The following KIF13A variants were observed in gnomAD, a reference collection of about 807,000 sequenced individuals.
KIF13A encodes kinesin family member 13A, also known as kinesin-like protein KIF13A.
Under a neutral mutation model 212.2 loss-of-function variants are expected in KIF13A, and 79 were observed. The ratio of observed to expected loss-of-function variants is 0.37; its 90% CI spans 0.31 to 0.45. The LOEUF (loss-of-function observed/expected upper bound fraction) is 0.45, where lower values mean the gene tolerates loss of function less well. Ranked by LOEUF, KIF13A falls within the 20% of genes least tolerant of loss-of-function variation. The pLI, the probability that KIF13A is intolerant of heterozygous loss-of-function variation, is 1.00. For missense variants in KIF13A, 1,901 were observed against 2,209.0 expected, an observed-to-expected ratio of 0.86 and a Z score of 2.79; for synonymous variants, 789 against 808.6, an observed-to-expected ratio of 0.98 and a Z score of 0.41.
intron 2 of KIF13A, among the ~76,000 whole-genome samples, chr6:17,975,568 G>C (rs150099622): frequency 6.6e-6 from 1 of 152,182 alleles, no homozygotes; most frequent in Non-Finnish European, 1.5e-5. Flanking sequence ...TTCCAGTACA[G>C]AACAAAACGC....
chr6:17,987,209 C>T lies in KIF13A; in HGVS notation c.56-65G>A. The T allele has an allele frequency of 7.3e-7, 1 of 1,362,524 alleles. No individual in the cohort carries two copies. The highest frequency in any genetic ancestry group is 1.0e-6 in the Non-Finnish European group (1 of 988,204). The allele number at this position is 1,362,524 out of a possible 1,614,324, so 84.4% of individuals were successfully genotyped here. A position where few individuals can be genotyped will look rare whatever the true frequency, so the allele number is the denominator to read the frequency against. On this transcript the variant is annotated intron_variant, in intron 1 of 38. Coordinates refer to ENST00000259711, the MANE Select transcript of KIF13A (RefSeq NM_022113.6). The surrounding 1 kb of genome is among the most constrained non-coding windows in gnomAD (Gnocchi z 7.7). Reference sequence around the variant, plus strand: ...CCGCGCCTCCAGCCCGCCCGCCCGCCAGCCGCGCCGAGCGGGGCTCCGTCC... The same window carrying T: ...CCGCGCCTCCAGCCCGCCCGCCCGCTAGCCGCGCCGAGCGGGGCTCCGTCC...
At chr6:17,852,121 T>A in intron 6 of KIF13A, 79 bp from the exon 7 acceptor site, 2 of 624,032 alleles carry the variant, frequency 3.2e-6, no homozygotes, top group Non-Finnish European at 5.0e-6. Flanking sequence ...ACACAGTAAC[T>A]AAGATAACAA....
At chr6:17,761,731 T>C (rs996736227), downstream of KIF13A, among the ~76,000 whole-genome samples, 1 of 152,188 alleles carries the variant, frequency 6.6e-6, no homozygotes, top group African/African-American at 2.4e-5. Flanking sequence ...CATCTTGATA[T>C]AACATGTTTG....
intron 12 of KIF13A, among the ~76,000 whole-genome samples, chr6:17,833,497 CAAAAAA>C (rs59654452): frequency 1.6e-4 from 16 of 97,946 alleles, no homozygotes; most frequent in Non-Finnish European, 1.6e-4. Context: ...ACCTTGTCTT[CAAAAAA>C]AAAAAAAAAA....
chr6:17,979,261 C>T (rs1780849468), intron 2 of KIF13A, among the ~76,000 whole-genome samples: 1 of 152,136 alleles, frequency 6.6e-6, no homozygotes, highest in South Asian at 2.1e-4. Context: ...CCACTGCACT[C>T]CAGCCTAGGC....
chr6:17,824,714 T>C (rs56286624), intron 16 of KIF13A, among the ~76,000 whole-genome samples: 8,199 of 138,452 alleles, frequency 0.059, 308 homozygotes, highest in Middle Eastern at 0.089. Context: ...TGAACCGAGA[T>C]CGTGCCACTG....
intron 2 of KIF13A, among the ~76,000 whole-genome samples, chr6:17,977,196 G>A (rs1317485186): frequency 1.3e-5 from 2 of 151,294 alleles, no homozygotes; most frequent in African/African-American, 4.9e-5. Flanking sequence ...TCAGGGTGGG[G>A]CCCTCCAGGT....
chr6:17,964,787 TC>T (rs1257313038), intron 2 of KIF13A, among the ~76,000 whole-genome samples: 1 of 152,036 alleles, frequency 6.6e-6, no homozygotes, highest in Non-Finnish European at 1.5e-5. Flanking sequence ...ATAACCCAGG[TC>T]AATGTTTTTA....
chr6:17,956,488 T>C (rs1778364931), intron 2 of KIF13A, among the ~76,000 whole-genome samples: 1 of 152,210 alleles, frequency 6.6e-6, no homozygotes, highest in Non-Finnish European at 1.5e-5. Context: ...AAACCCAATA[T>C]GCAAGAGATT....
rs977282481 is a variant in KIF13A at position 17,967,852 on chromosome 6, T to C, written c.146+19202A>G. ...AGTAACTTGTTAATAAGGTGCTCAT[T>C]AAGTAAGTCTGTAAAAGCTTACTTA... On this transcript the variant is annotated intron_variant, in intron 2 of 38. Coordinates refer to ENST00000259711, the MANE Select transcript of KIF13A (RefSeq NM_022113.6). This position sits in a 1 kb window ranked among gnomAD's most constrained non-coding sequence, Gnocchi z 4.1. 3.3e-5 allele frequency among the ~76,000 whole-genome samples: 5 copies of C among 152,224 alleles called. No individual in the cohort carries two copies. Among genetic ancestry groups the C allele is most frequent in the Non-Finnish European group, 5.9e-5 (4 of 68,040 alleles).
rs1401561759 is a variant in KIF13A, at chr6:17,897,326, A to C, written c.159+842T>G. 6.6e-6 allele frequency among the ~76,000 whole-genome samples: 1 copy of C among 152,138 alleles called. No individual in the cohort carries two copies. Among genetic ancestry groups the C allele is most frequent in the African/African-American group, 2.4e-5 (1 of 41,416 alleles). ...ATTTGTGTAGGTAAAGCCTGTTCTAATCCTATCTCAAGAACCACAGCTATA... is the reference window on the plus strand; with the variant it reads ...ATTTGTGTAGGTAAAGCCTGTTCTACTCCTATCTCAAGAACCACAGCTATA... On this transcript the variant is annotated intron_variant, in intron 3 of 38. Coordinates refer to ENST00000259711, the MANE Select transcript of KIF13A (RefSeq NM_022113.6). This position sits in a 1 kb window ranked among gnomAD's most constrained non-coding sequence, Gnocchi z 4.8.
chr6:17,778,688 AGGG>A (rs956579485), intron 33 of KIF13A, among the ~76,000 whole-genome samples: 2 of 152,172 alleles, frequency 1.3e-5, no homozygotes, highest in Non-Finnish European at 2.9e-5. Context: ...TACTTACCTC[AGGG>A]GGTTATCTTG....
intron 3 of KIF13A, among the ~76,000 whole-genome samples, chr6:17,879,279 C>T (rs941191618): frequency 6.6e-6 from 1 of 152,110 alleles, no homozygotes; most frequent in Non-Finnish European, 1.5e-5. Flanking sequence ...AACTATGTTC[C>T]ATGCACCCCA....
At chr6:17,949,146 T>C (rs1291385879) in intron 2 of KIF13A, among the ~76,000 whole-genome samples, 1 of 152,184 alleles carries the variant, frequency 6.6e-6, no homozygotes, top group African/African-American at 2.4e-5. Context: ...CATAGCTCAT[T>C]ACAAATTTGC....
At chr6:17,863,372 C>CTTT (rs35627842) in intron 4 of KIF13A, among the ~76,000 whole-genome samples, 1 of 139,762 alleles carries the variant, frequency 7.2e-6, no homozygotes, top group African/African-American at 2.6e-5. Context: ...AAAATACTTT[C>CTTT]TTTTTTTTTT....
chr6:17,891,053 T>A (rs1372166157), intron 3 of KIF13A, among the ~76,000 whole-genome samples: 1 of 152,042 alleles, frequency 6.6e-6, no homozygotes, highest in African/African-American at 2.4e-5. Context: ...GACACTCCAA[T>A]CCTACAAATT....
intron 2 of KIF13A, among the ~76,000 whole-genome samples, chr6:17,949,795 T>C (rs1042921562): frequency 6.6e-6 from 1 of 152,062 alleles, no homozygotes; most frequent in African/African-American, 2.4e-5. Context: ...AAAAAACAAG[T>C]GCCAACTCGA....
chr6:17,983,934 C>T (rs1320429020), intron 2 of KIF13A, among the ~76,000 whole-genome samples: 2 of 152,192 alleles, frequency 1.3e-5, no homozygotes, highest in African/African-American at 4.8e-5. Context: ...ATGCTCTCAG[C>T]ATCCATAAGA....
chr6:17,881,414 T>C (rs2150451016), intron 3 of KIF13A: 3 of 421,700 alleles, frequency 7.1e-6, no homozygotes, highest in South Asian at 1.7e-5. Flanking sequence ...TCATCTCTGA[T>C]GGCATTTCAG....
Sources: gnomAD v4.1 joint callset for allele counts (sites outside exome capture counted in the v4.1 genomes callset) on GRCh38, gnomAD v4.1.1 for gene constraint, Gnocchi (gnomAD v3.1) non-coding constraint, MANE v1.5 for transcripts, NCBI Gene and HGNC (gene_info 2026-07-23, HGNC 2026-07-21) for gene names.